The following DPH6 variants were observed in gnomAD, a reference collection of about 807,000 sequenced individuals.
DPH6 encodes the protein diphthamine biosynthesis 6.
In DPH6, 33 loss-of-function variants were observed where a neutral mutation model predicts 38.2. That is an observed-to-expected ratio of 0.86 (90% CI 0.65 to 1.15). The LOEUF is 1.15. Ranked by LOEUF, DPH6 falls within the 50% of genes most tolerant of loss-of-function variation. The pLI, the probability that DPH6 is intolerant of heterozygous loss-of-function variation, is 0.00. For missense variants in DPH6, 325 were observed against 320.0 expected (o/e 1.02, Z -0.12); for synonymous variants, 108 against 103.0 (o/e 1.05, Z -0.30).
intron 3 of DPH6, among the ~76,000 whole-genome samples, chr15:35,292,682 A>T (rs1359163486): frequency 6.6e-6 from 1 of 152,180 alleles, no homozygotes; most frequent in Admixed American, 6.5e-5. Flanking sequence ...AAATAATTTT[A>T]TATTTATTCA....
intron 3 of DPH6, chr15:35,282,477 C>A (rs984953355): frequency 5.4e-6 from 1 of 185,368 alleles, no homozygotes; most frequent in Admixed American, 5.7e-5. Flanking sequence ...CCACACCCAG[C>A]AGTTTTCACA....
At chr15:35,163,616 T>C in the DPH6 span, among the ~76,000 whole-genome samples, 2 of 151,908 alleles carry the variant, frequency 1.3e-5, no homozygotes, top group Non-Finnish European at 2.9e-5. Context: ...CTCTGGGCAC[T>C]GACTGGATAT....
intron 3 of DPH6, among the ~76,000 whole-genome samples, chr15:35,297,795 AC>A (rs779559824): frequency 4.6e-5 from 7 of 151,984 alleles, no homozygotes; most frequent in Non-Finnish European, 8.8e-5. Flanking sequence ...TGCTCCAGCC[AC>A]CCCTGTCAAA....
In DPH6 at chr15:35,350,271, A is replaced by G. The variant is rs145214799; in HGVS notation, n.208-19194T>C. Among the ~76,000 whole-genome samples, 450 of 149,188 alleles carry G rather than the reference A, an allele frequency of 3.0e-3. 1 individual carries two copies. Among genetic ancestry groups the G allele is most frequent in the African/African-American group, 0.01 (414 of 40,808 alleles). Reference sequence around the variant, plus strand: ...CTCTTGTGATCATTTGTATTTCTGTATCATCAGTTGCAATGTCTTCTTTCA... The same window carrying G: ...CTCTTGTGATCATTTGTATTTCTGTGTCATCAGTTGCAATGTCTTCTTTCA... On this transcript the variant is annotated intron_variant and non_coding_transcript_variant, in intron 3 of 3. Transcript: ENST00000558973.
the DPH6 span, among the ~76,000 whole-genome samples, chr15:35,148,180 G>A: frequency 6.6e-6 from 1 of 152,092 alleles, no homozygotes; most frequent in Non-Finnish European, 1.5e-5. Context: ...AAATTTAATT[G>A]TTAAAAATCC....
chr15:35,322,734 A>G (rs912418106), intron 3 of DPH6, among the ~76,000 whole-genome samples: 3 of 152,022 alleles, frequency 2.0e-5, no homozygotes, highest in African/African-American at 7.2e-5. Flanking sequence ...ACCACCACCT[A>G]TTTATTCCTA....
chr15:35,299,763 T>C (rs2052042422), intron 3 of DPH6, among the ~76,000 whole-genome samples: 2 of 152,240 alleles, frequency 1.3e-5, no homozygotes, highest in Admixed American at 1.3e-4. Flanking sequence ...TCTCTATCAC[T>C]AAGTCTCGAC....
intron 3 of DPH6, among the ~76,000 whole-genome samples, chr15:35,485,713 T>C (rs1381400369): frequency 6.6e-6 from 1 of 152,154 alleles, no homozygotes; most frequent in Admixed American, 6.5e-5. Context: ...ATACTTTGAG[T>C]TTATATTCTC....
the DPH6 span, among the ~76,000 whole-genome samples, chr15:35,204,583 T>C: frequency 1.3e-5 from 2 of 151,780 alleles, no homozygotes; most frequent in Non-Finnish European, 3.0e-5. Context: ...ATGATCTTTT[T>C]TGAGGGGACA....
At chr15:35,335,104 A>C (rs2052358883) in intron 3 of DPH6, among the ~76,000 whole-genome samples, 1 of 152,062 alleles carries the variant, frequency 6.6e-6, no homozygotes, top group African/African-American at 2.4e-5. Flanking sequence ...TCTGAATGGC[A>C]TGAGATGGTA....
rs530083087 is a variant in DPH6 at position 35,376,556 on chromosome 15, C to G, written c.663-2948G>C. 3.2e-4 allele frequency among the ~76,000 whole-genome samples: 48 copies of G among 152,196 alleles called. No individual in the cohort carries two copies. The South Asian group carries it at 9.5e-3, about 30-fold the overall frequency. On this transcript the variant is annotated intron_variant, in intron 7 of 8. Transcript: ENST00000256538. ...CCTAAGTGTACAGTGCTTTTAAAGT[C>G]TACAGTAGTGTACAGTAATGTCCTA...
At chr15:35,384,053 G>T (rs1287793002) in intron 6 of DPH6, among the ~76,000 whole-genome samples, 1 of 152,172 alleles carries the variant, frequency 6.6e-6, no homozygotes, top group East Asian at 1.9e-4. Context: ...CTTTCTAAAA[G>T]TTAGTAGTAC....
At chr15:35,204,292 C>G in the DPH6 span, among the ~76,000 whole-genome samples, 1 of 151,740 alleles carries the variant, frequency 6.6e-6, no homozygotes, top group Admixed American at 6.6e-5. Context: ...TTGATTAAAG[C>G]AAAGTCCAAA....
At chr15:35,466,706 T>G (rs2054130819) in intron 3 of DPH6, among the ~76,000 whole-genome samples, 1 of 152,180 alleles carries the variant, frequency 6.6e-6, no homozygotes, top group Non-Finnish European at 1.5e-5. Context: ...ATGTAGATGG[T>G]AATAGCCTAC....
intron 4 of DPH6, among the ~76,000 whole-genome samples, chr15:35,454,526 T>G (rs2053972458): frequency 6.6e-6 from 1 of 152,138 alleles, no homozygotes; most frequent in African/African-American, 2.4e-5. Context: ...TATAGATTAT[T>G]TTTCCTTACA....
intron 3 of DPH6, among the ~76,000 whole-genome samples, chr15:35,462,551 G>A (rs993076417): frequency 6.6e-6 from 1 of 152,100 alleles, no homozygotes; most frequent in Non-Finnish European, 1.5e-5. Flanking sequence ...GCCTGTGCCT[G>A]TAAAACACCT....
intron 3 of DPH6, chr15:35,489,204 G>C (rs2054443990): frequency 2.6e-6 from 1 of 386,200 alleles, no homozygotes; most frequent in South Asian, 1.1e-4. Flanking sequence ...CTTCAACAGA[G>C]AGATATAATC....
At chr15:35,272,251 T>C (rs966621441) in intron 3 of DPH6, among the ~76,000 whole-genome samples, 14 of 152,128 alleles carry the variant, frequency 9.2e-5, no homozygotes, top group African/African-American at 3.4e-4. Flanking sequence ...AGGATGTATA[T>C]AGGTTATGTG....
At chr15:35,433,693 C>T (rs921702667) in intron 5 of DPH6, among the ~76,000 whole-genome samples, 1 of 152,102 alleles carries the variant, frequency 6.6e-6, no homozygotes, top group South Asian at 2.1e-4. Context: ...TTAATGACTT[C>T]TGCACTAGAT....
Sources: gnomAD v4.1 joint callset for allele counts (sites outside exome capture counted in the v4.1 genomes callset) on GRCh38, gnomAD v4.1.1 for gene constraint, MANE v1.5 for transcripts, NCBI Gene and HGNC (gene_info 2026-07-23, HGNC 2026-07-21) for gene names.